The following KIF2A variants were observed in gnomAD, a reference collection of about 807,000 sequenced individuals.
KIF2A encodes kinesin family member 2A.
A neutral mutation model predicts 100.2 loss-of-function variants in KIF2A; 22 were observed. The ratio of observed to expected loss-of-function variants is 0.22; its 90% CI spans 0.16 to 0.31. The LOEUF is 0.31. Among genes scored for constraint, KIF2A ranks in the 10% least tolerant of loss-of-function variants. The pLI, the probability that KIF2A is intolerant of heterozygous loss-of-function variation, is 1.00. For missense variants in KIF2A, 495 were observed against 898.7 expected (o/e 0.55, Z 5.74); for synonymous variants, 268 against 285.9 (o/e 0.94, Z 0.63).
chr5:62,320,415 G>T (rs956061429), intron 1 of KIF2A, among the ~76,000 whole-genome samples: 3 of 152,144 alleles, frequency 2.0e-5, no homozygotes, highest in Admixed American at 1.3e-4. Context: ...GTGTAATTTT[G>T]ATAGATCTTG....
chr5:62,360,982 T>G (rs1748378245), intron 9 of KIF2A, among the ~76,000 whole-genome samples: 1 of 152,210 alleles, frequency 6.6e-6, no homozygotes, highest in South Asian at 2.1e-4. Context: ...TTTTATTGTA[T>G]ATGCCTTATT....
At chr5:62,382,590 A>G (rs1000709580) in intron 20 of KIF2A, among the ~76,000 whole-genome samples, 5 of 150,066 alleles carry the variant, frequency 3.3e-5, no homozygotes, top group Admixed American at 1.3e-4. Context: ...GAATATTTGC[A>G]TTATACCAAA....
chr5:62,345,861 A>G (rs200400495), intron 1 of KIF2A, among the ~76,000 whole-genome samples: 2 of 152,178 alleles, frequency 1.3e-5, no homozygotes, highest in Non-Finnish European at 2.9e-5. Context: ...AGTATATTGC[A>G]TAGTTTCTGT....
At chr5:62,346,517 A>T (rs1747578050) in intron 1 of KIF2A, among the ~76,000 whole-genome samples, 1 of 152,134 alleles carries the variant, frequency 6.6e-6, no homozygotes, top group East Asian at 1.9e-4. Context: ...AGGTGGGTGG[A>T]TCACTCGAGG....
chr5:62,311,259 C>G (rs774482240), intron 1 of KIF2A, among the ~76,000 whole-genome samples: 1 of 152,056 alleles, frequency 6.6e-6, no homozygotes, highest in Non-Finnish European at 1.5e-5. Context: ...ATTTTGGAAC[C>G]GTATACCGCT....
intron 9 of KIF2A, among the ~76,000 whole-genome samples, chr5:62,359,879 A>G (rs1343019353): frequency 1.3e-5 from 2 of 151,924 alleles, no homozygotes; most frequent in Non-Finnish European, 2.9e-5. Context: ...TTTGACCAGA[A>G]CTTTTTCCTG....
At chr5:62,356,055 G>A (rs1748091614) in intron 7 of KIF2A, among the ~76,000 whole-genome samples, 4 of 151,856 alleles carry the variant, frequency 2.6e-5, no homozygotes, top group South Asian at 2.1e-4. Context: ...TGGGAGGCCT[G>A]TAATCATGCC....
At chr5:62,320,140 AATG>A (rs1483893751) in intron 1 of KIF2A, among the ~76,000 whole-genome samples, 2 of 152,210 alleles carry the variant, frequency 1.3e-5, no homozygotes, top group East Asian at 1.9e-4. Context: ...ACTTAATAAT[AATG>A]ATATCTTGGA....
chr5:62,364,362 G>A (rs1168718982), intron 14 of KIF2A, among the ~76,000 whole-genome samples: 2 of 151,936 alleles, frequency 1.3e-5, no homozygotes, highest in Non-Finnish European at 2.9e-5. Flanking sequence ...TGGCTAGGCT[G>A]GTCTTGAACT....
chr5:62,363,892 C>A lies in KIF2A; in HGVS notation c.1460C>A (p.Ala487Glu). The part of the protein sequence containing the change: ...EGAEINKSLL[A>E]LKECIRALGR... ...GCTGAAATTAATAAAAGCCTTTTAG[C>A]ACTCAAGGTAAATAAAATGTATTTT... The change falls in exon 14 of 21, where the codon GCA (alanine) becomes GAA (glutamate). Residue 487 changes from alanine to glutamate, a missense_variant. This residue lies in a region of KIF2A where 16 missense variants were observed against 78.1 expected (regional missense o/e 0.20). Transcript: ENST00000407818. 6.2e-7 allele frequency: 1 copy of A among 1,605,476 alleles called. No individual in the cohort carries two copies. The highest frequency in any genetic ancestry group is 8.5e-7 in the Non-Finnish European group (1 of 1,175,474).
intron 4 of KIF2A, among the ~76,000 whole-genome samples, chr5:62,352,152 C>CAAA (rs35310169): frequency 0.017 from 2,019 of 118,884 alleles, 48 homozygotes; most frequent in African/African-American, 0.056. Context: ...GACTTCATCT[C>CAAA]AAAAAAAAAA....
At chr5:62,336,594 A>G (rs1746964858) in intron 1 of KIF2A, among the ~76,000 whole-genome samples, 1 of 152,250 alleles carries the variant, frequency 6.6e-6, no homozygotes, top group South Asian at 2.1e-4. Flanking sequence ...GAACTGAACA[A>G]TAACAAAAAA....
At chr5:62,308,187 T>C in intron 1 of KIF2A, 1 of 417,024 alleles carries the variant, frequency 2.4e-6, no homozygotes, top group Non-Finnish European at 4.3e-6. Flanking sequence ...CGCTTAGAGC[T>C]TTAGAAATTA....
chr5:62,387,273 T>C lies in KIF2A; in HGVS notation c.*1704T>C, dbSNP rs1001636177. On this transcript the variant is annotated 3_prime_UTR_variant, in exon 21 of 21. Transcript: ENST00000407818. ...GTAAGATATATTCTATTTGTGTTTA[T>C]TTCAAAGGGAAGAGGAAGGATGGAG... 5.3e-5 allele frequency: 8 copies of C among 152,192 alleles called. No homozygotes were observed. The highest frequency in any genetic ancestry group is 8.8e-5 in the Non-Finnish European group (6 of 68,026). The allele number at this position is 152,192 out of a possible 1,614,324, so 9.4% of individuals were successfully genotyped here.
In KIF2A at chr5:62,381,148, G is replaced by A. The variant is rs61748225; in HGVS notation, c.2044G>A (p.Ala682Thr). Reference sequence around the variant, plus strand: ...TATTCGGTGGTTAGAAGATGAAAAGGCCCTCTTAGAGATGACTGAAGAAGT... The same window carrying A: ...TATTCGGTGGTTAGAAGATGAAAAGACCCTCTTAGAGATGACTGAAGAAGT... ...ESIRWLEDEK[A>T]LLEMTEEVDY... Residue 682 changes from alanine to threonine, a missense_variant, in exon 20 of 21, where the codon GCC (alanine) becomes ACC (threonine). By Grantham distance (58) the Ala-to-Thr change is moderately conservative (BLOSUM62 0). Transcript: ENST00000407818. 3.1e-3 allele frequency: 4,923 copies of A among 1,610,730 alleles called. 124 individuals carry two copies. In the African/African-American group the frequency reaches 0.057, roughly 19 times the overall value.
At chr5:62,344,793 A>T (rs1421793120) in intron 1 of KIF2A, among the ~76,000 whole-genome samples, 1 of 152,262 alleles carries the variant, frequency 6.6e-6, no homozygotes, top group Non-Finnish European at 1.5e-5. Context: ...AGGTCTATAC[A>T]TATTGTCATG....
intron 16 of KIF2A, among the ~76,000 whole-genome samples, chr5:62,369,757 G>C (rs1032912044): frequency 3.3e-5 from 5 of 151,848 alleles, no homozygotes; most frequent in African/African-American, 1.2e-4. Context: ...ATACTTTGAG[G>C]TGGTGGGTAG....
chr5:62,336,089 G>A (rs1156937976), intron 1 of KIF2A, among the ~76,000 whole-genome samples: 1 of 152,112 alleles, frequency 6.6e-6, no homozygotes, highest in African/African-American at 2.4e-5. Flanking sequence ...ACACATAAGA[G>A]GAAACCAAAA....
chr5:62,341,493 A>C (rs957643931), intron 1 of KIF2A, among the ~76,000 whole-genome samples: 1 of 151,768 alleles, frequency 6.6e-6, no homozygotes, highest in Non-Finnish European at 1.5e-5. Flanking sequence ...TATAGAGTTG[A>C]GGTCTCGGTA....
Sources: allele counts gnomAD v4.1 joint callset (sites outside exome capture counted in the v4.1 genomes callset), GRCh38; gene constraint gnomAD v4.1.1; regional missense constraint gnomAD v4.1.1; transcripts MANE v1.5; gene names NCBI Gene and HGNC (gene_info 2026-07-23, HGNC 2026-07-21).